Variants in BANK1 observed in about 807,000 individuals in gnomAD.
BANK1 encodes the protein B cell scaffold protein with ankyrin repeats 1.
BANK1 carries 95 observed loss-of-function variants against 94.5 expected under a neutral mutation model. The ratio of observed to expected loss-of-function variants is 1.00; its 90% CI spans 0.85 to 1.19. The LOEUF is 1.19. BANK1 is among the 50% of genes most tolerant of loss of function. BANK1 has a pLI of 0.00. For synonymous variants in BANK1, 334 were observed against 308.4 expected, an observed-to-expected ratio of 1.08 and a Z score of -0.87; for missense variants, 987 against 932.2, an observed-to-expected ratio of 1.06 and a Z score of -0.77.
intron 7 of BANK1, among the ~76,000 whole-genome samples, chr4:102,017,105 G>A (rs1726728985): frequency 6.6e-6 from 1 of 152,160 alleles, no homozygotes; most frequent in Non-Finnish European, 1.5e-5. Context: ...TTATATCACT[G>A]TATGAAAAAT....
intron 7 of BANK1, among the ~76,000 whole-genome samples, chr4:101,993,970 A>G (rs376709459): frequency 1.3e-5 from 2 of 151,984 alleles, no homozygotes; most frequent in African/African-American, 4.9e-5. Flanking sequence ...ATGGTGCCAT[A>G]CAGTCAGAGG....
intron 7 of BANK1, among the ~76,000 whole-genome samples, chr4:102,005,501 CA>C (rs1726231051): frequency 6.6e-6 from 1 of 152,040 alleles, no homozygotes; most frequent in African/African-American, 2.4e-5. Flanking sequence ...TTATACTTCA[CA>C]GTTGGTTCTA....
chr4:101,909,281 C>G (rs1722575438), intron 6 of BANK1, among the ~76,000 whole-genome samples: 1 of 152,226 alleles, frequency 6.6e-6, no homozygotes, highest in East Asian at 1.9e-4. Context: ...TCTCAGCAAA[C>G]TATCACAAGG....
intron 7 of BANK1, among the ~76,000 whole-genome samples, chr4:101,938,232 TATA>T (rs1051906904): frequency 1.3e-5 from 2 of 151,446 alleles, no homozygotes; most frequent in South Asian, 2.1e-4. Context: ...GAGTTTAAAA[TATA>T]ATAATAATAA....
intron 2 of BANK1, among the ~76,000 whole-genome samples, chr4:101,847,579 C>T (rs1727296348): frequency 6.6e-6 from 1 of 152,034 alleles, no homozygotes; most frequent in African/African-American, 2.4e-5. Context: ...ATGCCTTTGT[C>T]TCCTCGCAGC....
At chr4:101,795,019 A>G (rs1725106821) in intron 1 of BANK1, among the ~76,000 whole-genome samples, 3 of 151,698 alleles carry the variant, frequency 2.0e-5, no homozygotes, top group Admixed American at 1.3e-4. Context: ...TGAAAAGTAT[A>G]AGAACAGTCT....
chr4:101,852,624 T>C (rs1344945987), intron 2 of BANK1, among the ~76,000 whole-genome samples: 4 of 151,054 alleles, frequency 2.6e-5, no homozygotes, highest in Non-Finnish European at 5.9e-5. Flanking sequence ...ATTGACAGTT[T>C]TGTAACTTGA....
At chr4:101,855,299 T>A in intron 3 of BANK1, 110 bp downstream of exon 3, 1 of 1,068,752 alleles carries the variant, frequency 9.4e-7, no homozygotes, top group Non-Finnish European at 1.3e-6. Context: ...GGCTGGTCTT[T>A]AACTCCTGGC....
chr4:101,967,098 T>C (rs553078251), intron 7 of BANK1, among the ~76,000 whole-genome samples: 1 of 152,204 alleles, frequency 6.6e-6, no homozygotes, highest in Non-Finnish European at 1.5e-5. Context: ...GTACTGCTTT[T>C]AGGAGAAATA....
rs537558002 is a variant in BANK1 at position 102,029,073 on chromosome 4, C to A, written c.1595-887C>A. Among the ~76,000 whole-genome samples, 5 of 152,172 alleles carry A rather than the reference C, an allele frequency of 3.3e-5. No individual in the cohort carries two copies. In the South Asian group the frequency reaches 8.3e-4, roughly 25 times the overall value. On this transcript the variant is annotated intron_variant, in intron 9 of 16. Transcript: ENST00000322953. ...AGGAGTACTCGCCACCTAGCTAATTCTTTTATTTTTGTAGATACTAGGTCT... is the reference window on the plus strand; with the variant it reads ...AGGAGTACTCGCCACCTAGCTAATTATTTTATTTTTGTAGATACTAGGTCT...
intron 2 of BANK1, among the ~76,000 whole-genome samples, chr4:101,841,106 A>C (rs1039073021): frequency 1.3e-5 from 2 of 152,156 alleles, no homozygotes; most frequent in African/African-American, 4.8e-5. Context: ...GATTGCGGTC[A>C]TGAGCCACCG....
chr4:102,066,320 G>A (rs1227644249), intron 13 of BANK1, among the ~76,000 whole-genome samples: 2 of 149,370 alleles, frequency 1.3e-5, no homozygotes, highest in African/African-American at 2.5e-5. Context: ...GCAGTGGCAC[G>A]ATCTCGGCTC....
At chr4:101,925,117 T>C (rs989800136) in intron 7 of BANK1, among the ~76,000 whole-genome samples, 2 of 151,652 alleles carry the variant, frequency 1.3e-5, no homozygotes, top group Admixed American at 1.3e-4. Context: ...TTTTGGGAGC[T>C]ATCATAATTT....
intron 7 of BANK1, among the ~76,000 whole-genome samples, chr4:101,978,069 T>G (rs933931960): frequency 5.9e-5 from 9 of 151,968 alleles, no homozygotes; most frequent in African/African-American, 2.2e-4. Context: ...GTTCAAGCAA[T>G]TCTCCTGCCT....
At chr4:101,821,369 G>C (rs895039616) in intron 1 of BANK1, among the ~76,000 whole-genome samples, 1 of 152,136 alleles carries the variant, frequency 6.6e-6, no homozygotes, top group Non-Finnish European at 1.5e-5. Flanking sequence ...TGTCAGATGC[G>C]TAGTTTGCAA....
intron 2 of BANK1, among the ~76,000 whole-genome samples, chr4:101,848,666 A>G (rs942362171): frequency 6.6e-6 from 1 of 152,222 alleles, no homozygotes; most frequent in African/African-American, 2.4e-5. Context: ...TATTTTGTTA[A>G]TTGCTTCATG....
chr4:102,027,058 T>C (rs1472754892), intron 9 of BANK1, among the ~76,000 whole-genome samples: 2 of 152,130 alleles, frequency 1.3e-5, no homozygotes, highest in African/African-American at 4.8e-5. Context: ...CATTTATCCA[T>C]GAAGTAGATA....
chr4:101,955,953 A>G (rs1156260656), intron 7 of BANK1, among the ~76,000 whole-genome samples: 1 of 152,176 alleles, frequency 6.6e-6, no homozygotes, highest in Non-Finnish European at 1.5e-5. Flanking sequence ...ATTGATGTAG[A>G]ACATACAGCA....
At chr4:101,832,828 T>C (rs958218358) in intron 2 of BANK1, among the ~76,000 whole-genome samples, 4 of 152,250 alleles carry the variant, frequency 2.6e-5, no homozygotes, top group African/African-American at 9.6e-5. Context: ...CCCATCTCCA[T>C]TGGTTTTCTC....
Sources: allele counts gnomAD v4.1 joint callset (sites outside exome capture counted in the v4.1 genomes callset), GRCh38; gene constraint gnomAD v4.1.1; transcripts MANE v1.5; gene names NCBI Gene and HGNC (gene_info 2026-07-23, HGNC 2026-07-21).